ADSS2: variants seen among roughly 807,000 people sequenced by gnomAD.
The protein encoded by ADSS2 is adenylosuccinate synthetase isozyme 2.
ADSS2 carries 30 observed loss-of-function variants against 60.0 expected under a neutral mutation model. The observed-to-expected ratio is 0.50, with a 90% CI of 0.37 to 0.68. ADSS2 has a LOEUF of 0.68. Ranked by LOEUF, ADSS2 falls within the 30% of genes least tolerant of loss-of-function variation. The pLI is 0.00. For synonymous variants in ADSS2, 187 were observed against 193.1 expected (o/e 0.97, Z 0.26); for missense variants, 373 against 554.8 (o/e 0.67, Z 3.29).
chr1:244,436,693 T>A, intron 3 of ADSS2, 132 bp downstream of exon 3: 1 of 636,636 alleles, frequency 1.6e-6, no homozygotes, highest in African/African-American at 1.8e-5. Flanking sequence ...ACTTAATAAC[T>A]GACATTAAAA....
Position 244,429,927 on chromosome 1 carries a change from A to C in ADSS2, c.406+2618T>G, listed in dbSNP as rs182057227. On this transcript the variant is annotated intron_variant, in intron 4 of 12. Coordinates refer to ENST00000366535, the MANE Select transcript of ADSS2 (RefSeq NM_001126.5). ...TAAAATAAAAAATATGTTTCTTATA[A>C]GACTTTTTAAGGGCCCTGGGAAGTG... Among the ~76,000 whole-genome samples the C allele has an allele frequency of 2.4e-3, 365 of 152,064 alleles. 1 individual carries two copies. The highest frequency in any genetic ancestry group is 0.01 in the Middle Eastern group (3 of 294).
chr1:244,431,190 A>C (rs1204259969), intron 4 of ADSS2, among the ~76,000 whole-genome samples: 1 of 152,196 alleles, frequency 6.6e-6, no homozygotes, highest in Non-Finnish European at 1.5e-5. Context: ...TAAGTTTAAA[A>C]TTCAAGTTCT....
Position 244,409,585 on chromosome 1 carries a change from A to G in ADSS2, c.*1T>C. 4 of 1,606,124 alleles carry G rather than the reference A, an allele frequency of 2.5e-6. No homozygotes were observed. Among genetic ancestry groups the G allele is most frequent in the Non-Finnish European group, 3.4e-6 (4 of 1,173,480 alleles). On this transcript the variant is annotated 3_prime_UTR_variant, in exon 13 of 13. Coordinates refer to ENST00000366535, the MANE Select transcript of ADSS2 (RefSeq NM_001126.5). Reference sequence around the variant, plus strand: ...AGTGTTTCTTGCATTACTGGCAATCATTAAAAGAGTTGAATCATAGATTCT... The same window carrying G: ...AGTGTTTCTTGCATTACTGGCAATCGTTAAAAGAGTTGAATCATAGATTCT...
chr1:244,443,134 T>C (rs867295993), intron 1 of ADSS2, among the ~76,000 whole-genome samples: 3 of 152,192 alleles, frequency 2.0e-5, no homozygotes, highest in Admixed American at 1.3e-4. Flanking sequence ...GGAGGCCAGA[T>C]AGTACCAAAC....
chr1:244,446,768 A>G (rs1665402190), intron 1 of ADSS2, among the ~76,000 whole-genome samples: 1 of 152,196 alleles, frequency 6.6e-6, no homozygotes, highest in South Asian at 2.1e-4. Flanking sequence ...CCAAAAATGT[A>G]TAAACCAACG....
rs562809676 is a variant in ADSS2, at chr1:244,419,837, A to C, written c.790+333T>G. 2.2e-4 allele frequency among the ~76,000 whole-genome samples: 33 copies of C among 152,356 alleles called. No individual in the cohort carries two copies. The East Asian group carries it at 6.4e-3, about 29-fold the overall frequency. ...GTACACATTTTTAAAAGGTTGAATTAAAGATGCAGATTCTTCCATAGAATT... is the reference window on the plus strand; with the variant it reads ...GTACACATTTTTAAAAGGTTGAATTCAAGATGCAGATTCTTCCATAGAATT... On this transcript the variant is annotated intron_variant, in intron 8 of 12. Transcript: ENST00000366535.
intron 3 of ADSS2, among the ~76,000 whole-genome samples, chr1:244,436,482 A>G (rs1006973974): frequency 6.6e-6 from 1 of 152,226 alleles, no homozygotes; most frequent in Non-Finnish European, 1.5e-5. Flanking sequence ...TGTAGCAACG[A>G]AAGGAGAGCT....
chr1:244,418,998 T>C lies in ADSS2; in HGVS notation c.791-84A>G, dbSNP rs557948684. The stretch of plus-strand genomic sequence containing the variant: ...AGAATTACCGTTACAATTCTGCATT[T>C]GAGTATATTATAGGTATCTAACAGA... On this transcript the variant is annotated intron_variant, in intron 8 of 12. Coordinates refer to ENST00000366535, the MANE Select transcript of ADSS2 (RefSeq NM_001126.5). 1.9e-5 allele frequency: 24 copies of C among 1,269,460 alleles called. No individual in the cohort carries two copies. The South Asian group carries it at 3.7e-4, about 19-fold the overall frequency. The allele number at this position is 1,269,460 out of a possible 1,614,324, so 78.6% of individuals were successfully genotyped here. A position where few individuals can be genotyped will look rare whatever the true frequency, so the allele number is the denominator to read the frequency against.
In ADSS2 at chr1:244,420,438, T is replaced by C. The variant is rs73129710; in HGVS notation, c.664-142A>G. On this transcript the variant is annotated intron_variant, in intron 7 of 12. Coordinates refer to ENST00000366535, the MANE Select transcript of ADSS2 (RefSeq NM_001126.5). ...AGGGCTGGTGACGGTGCTCACTCTA[T>C]TGTAACATTTGGATTAGCTTTCATG... is the stretch of plus-strand genomic sequence containing the variant. 1.8e-3 allele frequency: 1,178 copies of C among 655,788 alleles called. 15 individuals carry two copies. Among genetic ancestry groups the C allele is most frequent in the African/African-American group, 0.018 (986 of 55,422 alleles). 40.6% of individuals were successfully genotyped at this position (655,788 alleles called of 1,614,324 possible).
chr1:244,430,801 T>C (rs1664923791), intron 4 of ADSS2, among the ~76,000 whole-genome samples: 1 of 152,178 alleles, frequency 6.6e-6, no homozygotes, highest in South Asian at 2.1e-4. Flanking sequence ...TTTTTCCTTA[T>C]ATAACTAGGA....
intron 6 of ADSS2, 97 bp downstream of exon 6, chr1:244,423,856 T>A (rs1325918368): frequency 4.5e-6 from 4 of 889,278 alleles, no homozygotes; most frequent in Middle Eastern, 2.4e-4. Context: ...CCACCACTAT[T>A]TAACTAGAAT....
chr1:244,446,532 C>T (rs1170171323), intron 1 of ADSS2, among the ~76,000 whole-genome samples: 2 of 152,196 alleles, frequency 1.3e-5, no homozygotes, highest in African/African-American at 4.8e-5. Flanking sequence ...TAGTTACCTT[C>T]TAGTTTCATA....
intron 1 of ADSS2, among the ~76,000 whole-genome samples, chr1:244,444,241 C>T (rs1275727425): frequency 1.3e-5 from 2 of 151,924 alleles, no homozygotes; most frequent in African/African-American, 4.8e-5. Flanking sequence ...ACAGGCCGGG[C>T]GCGGTGGCTC....
chr1:244,451,600 G>A lies in ADSS2; in HGVS notation c.183+35C>T, dbSNP rs931293090. 4 of 1,577,846 alleles carry A rather than the reference G, an allele frequency of 2.5e-6. No individual in the cohort carries two copies. In the African/African-American group the frequency reaches 4.1e-5, roughly 16 times the overall value. On this transcript the variant is annotated intron_variant, in intron 1 of 12. Coordinates refer to ENST00000366535, the MANE Select transcript of ADSS2 (RefSeq NM_001126.5). The surrounding 1 kb of genome is among the most constrained non-coding windows in gnomAD (Gnocchi z 6.6). The stretch of plus-strand genomic sequence containing the variant: ...AGGAGCCAGGCAGCCCGAGCTCCCG[G>A]GCCCGGCTTCCCATGAGAGGCCCCG...
intron 1 of ADSS2, among the ~76,000 whole-genome samples, chr1:244,443,571 G>A (rs986727631): frequency 1.4e-4 from 21 of 152,194 alleles, no homozygotes; most frequent in African/African-American, 5.1e-4. Context: ...TTCTGAGTTG[G>A]TAAAATGCTT....
At chr1:244,439,144 T>C (rs1665174433) in intron 1 of ADSS2, among the ~76,000 whole-genome samples, 2 of 152,224 alleles carry the variant, frequency 1.3e-5, no homozygotes, top group Admixed American at 1.3e-4. Flanking sequence ...TGGGAACATG[T>C]GAAGTTTGTC....
intron 3 of ADSS2, among the ~76,000 whole-genome samples, chr1:244,434,611 A>G (rs1665038644): frequency 1.3e-5 from 2 of 152,194 alleles, no homozygotes; most frequent in South Asian, 4.1e-4. Flanking sequence ...ACATACAAAC[A>G]TGTATTCTGA....
intron 3 of ADSS2, among the ~76,000 whole-genome samples, chr1:244,435,519 CTCCTCCTTCTCT>C (rs1665075486): frequency 2.1e-5 from 3 of 145,188 alleles, no homozygotes; most frequent in South Asian, 2.2e-4. Flanking sequence ...TTTCCTCTTC[CTCCTCCTTCTCT>C]TCCTCCTTCA....
Position 244,435,168 on chromosome 1 carries a change from C to CAAAAAAAAAAAAAAAAAAAAA in ADSS2, c.355+1636_355+1656dup, listed in dbSNP as rs60576167. On this transcript the variant is annotated intron_variant, in intron 3 of 12. Coordinates refer to ENST00000366535, the MANE Select transcript of ADSS2 (RefSeq NM_001126.5). The stretch of plus-strand genomic sequence containing the variant: ...GGGTGACAGAGAGAGACTCCGTCTC[C>CAAAAAAAAAAAAAAAAAAAAA]AAAAAAAAAAAAAAAAAAAAAAAAA... Among the ~76,000 whole-genome samples the CAAAAAAAAAAAAAAAAAAAAA allele has an allele frequency of 2.1e-4, 11 of 51,748 alleles. 3 individuals carry two copies. The highest frequency in any genetic ancestry group is 9.2e-4 in the African/African-American group (11 of 12,006). The allele number at this position is 51,748 out of a possible 152,430, so 33.9% of individuals were successfully genotyped here. A position where few individuals can be genotyped will look rare whatever the true frequency, so the allele number is the denominator to read the frequency against.
Sources: allele counts gnomAD v4.1 joint callset (sites outside exome capture counted in the v4.1 genomes callset), GRCh38; gene constraint gnomAD v4.1.1; non-coding constraint Gnocchi (gnomAD v3.1); transcripts MANE v1.5; gene names NCBI Gene and HGNC (gene_info 2026-07-23, HGNC 2026-07-21).